The following PPM1L variants were observed in gnomAD, a reference collection of about 807,000 sequenced individuals.
PPM1L encodes the protein protein phosphatase, Mg2+/Mn2+ dependent 1L.
PPM1L carries 13 observed loss-of-function variants against 31.4 expected under a neutral mutation model. That is an observed-to-expected ratio of 0.41 (90% CI 0.27 to 0.66). The LOEUF is 0.66. Among genes scored for constraint, PPM1L ranks in the 30% least tolerant of loss-of-function variants. The pLI is 0.29. For missense variants in PPM1L, 326 were observed against 453.7 expected (o/e 0.72, Z 2.56); for synonymous variants, 184 against 175.4 (o/e 1.05, Z -0.39).
chr3:160,893,614 G>A (rs1023833830), intron 1 of PPM1L, among the ~76,000 whole-genome samples: 7 of 152,114 alleles, frequency 4.6e-5, no homozygotes, highest in Non-Finnish European at 8.8e-5. Flanking sequence ...TTGGTCAGTC[G>A]TCCCAAAGTA....
chr3:160,888,695 A>G (rs956792825), intron 1 of PPM1L, among the ~76,000 whole-genome samples: 1 of 151,892 alleles, frequency 6.6e-6, no homozygotes, highest in East Asian at 1.9e-4. Flanking sequence ...CATCTACAGA[A>G]CTCTCCACCT....
At chr3:160,919,462 C>G (rs376228060) in intron 1 of PPM1L, among the ~76,000 whole-genome samples, 1 of 152,070 alleles carries the variant, frequency 6.6e-6, no homozygotes, top group Non-Finnish European at 1.5e-5. Flanking sequence ...TATAGGCATG[C>G]GTGGGTGTCA....
chr3:160,792,845 A>G (rs1422772497), intron 1 of PPM1L, among the ~76,000 whole-genome samples: 1 of 152,236 alleles, frequency 6.6e-6, no homozygotes, highest in African/African-American at 2.4e-5. Context: ...GAGGTCAGGA[A>G]GGGTCACAAA....
At chr3:160,792,629 G>A (rs886403426) in intron 1 of PPM1L, among the ~76,000 whole-genome samples, 6 of 152,196 alleles carry the variant, frequency 3.9e-5, no homozygotes, top group African/African-American at 1.4e-4. Context: ...AGAGGCTGAG[G>A]TCACAGTCGT....
intron 2 of PPM1L, among the ~76,000 whole-genome samples, chr3:161,001,226 A>C (rs146345622): frequency 6.6e-6 from 1 of 152,194 alleles, no homozygotes; most frequent in East Asian, 1.9e-4. Flanking sequence ...AAAAAACAAA[A>C]ACAACAACAA....
rs1176172443 is a variant in PPM1L at position 161,076,461 on chromosome 3, A to G, written c.*7304A>G. ...CAGAAAGTAGAATAATGAATAAAATATGACCATGGAGAAAACCCATAACTT... is the reference window on the plus strand; with the variant it reads ...CAGAAAGTAGAATAATGAATAAAATGTGACCATGGAGAAAACCCATAACTT... On this transcript the variant is annotated 3_prime_UTR_variant, in exon 4 of 4. Coordinates refer to ENST00000498165, the MANE Select transcript of PPM1L (RefSeq NM_139245.4). 2 of 152,346 alleles carry G rather than the reference A, an allele frequency of 1.3e-5. No individual in the cohort carries two copies. Among genetic ancestry groups the G allele is most frequent in the East Asian group, 3.9e-4 (2 of 5,190 alleles). 9.4% of individuals were successfully genotyped at this position (152,346 alleles called of 1,614,324 possible).
chr3:160,832,187 G>C (rs1713542210), intron 1 of PPM1L, among the ~76,000 whole-genome samples: 1 of 152,156 alleles, frequency 6.6e-6, no homozygotes, highest in Non-Finnish European at 1.5e-5. Context: ...ATGGTGAAAT[G>C]TTTTACTCCC....
chr3:160,964,055 G>A (rs775664876), intron 2 of PPM1L, among the ~76,000 whole-genome samples: 1 of 151,978 alleles, frequency 6.6e-6, no homozygotes, highest in Non-Finnish European at 1.5e-5. Context: ...ATATTATCAT[G>A]TTTGGGGAAG....
At position 161,074,907 on chromosome 3, in the gene PPM1L, T is replaced by C. The variant is rs1039087649; in HGVS notation, c.*5750T>C. ...ATAGACTGTATTTAGAGATGTGGTT[T>C]CATTTATTCTTGAAGTCCTATAACC... On this transcript the variant is annotated 3_prime_UTR_variant, in exon 4 of 4. Transcript: ENST00000498165. The C allele has an allele frequency of 6.6e-6, 1 of 152,180 alleles. No individual in the cohort carries two copies. The highest frequency in any genetic ancestry group is 1.5e-5 in the Non-Finnish European group (1 of 68,038). 9.4% of individuals were successfully genotyped at this position (152,180 alleles called of 1,614,324 possible).
At chr3:161,049,320 T>G (rs1039819553) in intron 2 of PPM1L, among the ~76,000 whole-genome samples, 1 of 151,784 alleles carries the variant, frequency 6.6e-6, no homozygotes, top group Non-Finnish European at 1.5e-5. Context: ...AAAAAAACCC[T>G]AAAACAAAAA....
At chr3:160,963,817 C>T (rs1278580058) in intron 2 of PPM1L, among the ~76,000 whole-genome samples, 1 of 152,012 alleles carries the variant, frequency 6.6e-6, no homozygotes, top group African/African-American at 2.4e-5. Context: ...CAGAGGTAGG[C>T]TTGCACATGG....
intron 1 of PPM1L, among the ~76,000 whole-genome samples, chr3:160,859,435 A>AAAT (rs1416031853): frequency 1.3e-5 from 2 of 152,226 alleles, no homozygotes; most frequent in Non-Finnish European, 2.9e-5. Flanking sequence ...GAGGTTAGGC[A>AAAT]AATAATAACT....
intron 2 of PPM1L, among the ~76,000 whole-genome samples, chr3:161,061,482 G>A (rs1188723975): frequency 1.3e-5 from 2 of 152,304 alleles, no homozygotes; most frequent in Non-Finnish European, 2.9e-5. Context: ...ATGTTCAATA[G>A]CATGTGAGTA....
intron 1 of PPM1L, among the ~76,000 whole-genome samples, chr3:160,847,900 T>C (rs993080717): frequency 2.6e-5 from 4 of 152,134 alleles, no homozygotes; most frequent in Non-Finnish European, 5.9e-5. Context: ...AGCTGTGAAA[T>C]TTCTGTACAA....
chr3:161,040,362 T>G (rs183196168), intron 2 of PPM1L, among the ~76,000 whole-genome samples: 1,919 of 152,294 alleles, frequency 0.013, 49 homozygotes, highest in African/African-American at 0.044. Flanking sequence ...CACCTGGATG[T>G]CATTCATCCA....
chr3:160,897,800 G>A (rs532295558), intron 1 of PPM1L, among the ~76,000 whole-genome samples: 90 of 152,328 alleles, frequency 5.9e-4, no homozygotes, highest in African/African-American at 2.0e-3. Context: ...ACTATCCCTG[G>A]TGAATATTCA....
chr3:160,883,954 C>T (rs1712821131), intron 1 of PPM1L, among the ~76,000 whole-genome samples: 1 of 151,310 alleles, frequency 6.6e-6, no homozygotes, highest in Admixed American at 6.6e-5. Flanking sequence ...CCTGTGGTCC[C>T]AGCTACTCTG....
chr3:160,789,623 G>A (rs189213497), intron 1 of PPM1L, among the ~76,000 whole-genome samples: 2 of 151,760 alleles, frequency 1.3e-5, no homozygotes, highest in African/African-American at 2.4e-5. Flanking sequence ...GGAACTATAT[G>A]TACTTTTTTG....
chr3:160,926,910 T>C (rs988979957), intron 1 of PPM1L, among the ~76,000 whole-genome samples: 2 of 152,254 alleles, frequency 1.3e-5, no homozygotes, highest in Non-Finnish European at 2.9e-5. Context: ...CTTGTGCGTG[T>C]TTTATTTCAA....
Sources: allele counts gnomAD v4.1 joint callset (sites outside exome capture counted in the v4.1 genomes callset), GRCh38; gene constraint gnomAD v4.1.1; transcripts MANE v1.5; gene names NCBI Gene and HGNC (gene_info 2026-07-23, HGNC 2026-07-21).